RXFP1: variants seen among roughly 807,000 people sequenced by gnomAD.
RXFP1 encodes relaxin receptor 1.
RXFP1 carries 73 observed loss-of-function variants against 89.8 expected under a neutral mutation model. The observed-to-expected ratio is 0.81, with a 90% CI of 0.67 to 0.99. The LOEUF is 0.99. Ranked by LOEUF, RXFP1 falls within the 50% of genes least tolerant of loss-of-function variation. RXFP1 has a pLI of 0.00. For synonymous variants in RXFP1, 277 were observed against 305.5 expected (o/e 0.91, Z 0.97); for missense variants, 793 against 895.5 (o/e 0.89, Z 1.46).
rs113309020 is a variant in RXFP1, at chr4:158,602,759, A to AT, written c.393-2297dup. 4.1e-3 allele frequency among the ~76,000 whole-genome samples: 606 copies of AT among 147,908 alleles called. 4 individuals carry two copies. Among genetic ancestry groups the AT allele is most frequent in the African/African-American group, 0.011 (463 of 40,718 alleles). ...GAGATAATGAATGAATGAATGAACAATTTTTTTTTTTTGAGACAGAGTCTC... is the reference window on the plus strand; with the variant it reads ...GAGATAATGAATGAATGAATGAACAATTTTTTTTTTTTTGAGACAGAGTCTC... On this transcript the variant is annotated intron_variant, in intron 4 of 17. Transcript: ENST00000307765.
In RXFP1 at chr4:158,652,070, C is replaced by A. The variant is rs751758076; in HGVS notation, c.*15C>A. On this transcript the variant is annotated 3_prime_UTR_variant, in exon 18 of 18. Transcript: ENST00000307765. ...CCTATTCATGACTGACTCTGAAATT[C>A]ATTTCTTCGCAGAGAATACTGTGGG... 1 of 1,590,044 alleles carries A rather than the reference C, an allele frequency of 6.3e-7. No homozygotes were observed. The highest frequency in any genetic ancestry group is 1.1e-5 in the South Asian group (1 of 87,520).
intron 1 of RXFP1, among the ~76,000 whole-genome samples, chr4:158,563,506 A>G (rs899132395): frequency 6.9e-6 from 1 of 144,126 alleles, no homozygotes; most frequent in Non-Finnish European, 1.6e-5. Flanking sequence ...GCACACACAC[A>G]CACACACACA....
chr4:158,558,152 C>T (rs1751704671), intron 1 of RXFP1, among the ~76,000 whole-genome samples: 1 of 152,166 alleles, frequency 6.6e-6, no homozygotes, highest in Non-Finnish European at 1.5e-5. Context: ...CTTGTTCTCA[C>T]CTTTAGGAGT....
In RXFP1 at chr4:158,617,426, A is replaced by AAT. The variant is rs1554017037; in HGVS notation, c.755+241_755+242dup. 1.4e-3 allele frequency among the ~76,000 whole-genome samples: 215 copies of AAT among 149,238 alleles called. 1 individual carries two copies. Among genetic ancestry groups the AAT allele is most frequent in the African/African-American group, 4.6e-3 (187 of 40,602 alleles). On this transcript the variant is annotated intron_variant, in intron 9 of 17. Transcript: ENST00000307765. ...CAGCAAAATAAAACATCTCAAAAAA[A>AAT]ATATATATATATATATATATACTGG...
chr4:158,639,939 T>C (rs1010465952), intron 14 of RXFP1, among the ~76,000 whole-genome samples: 1 of 152,140 alleles, frequency 6.6e-6, no homozygotes, highest in East Asian at 1.9e-4. Flanking sequence ...ACAGAGAAGA[T>C]GGCCATCTAT....
intron 15 of RXFP1, chr4:158,646,385 G>A (rs1381616762): frequency 1.3e-6 from 1 of 748,204 alleles, no homozygotes; most frequent in East Asian, 6.4e-5. Flanking sequence ...TGAGCTTGTT[G>A]CGTTGGGAGA....
At chr4:158,593,662 G>T (rs2150069909) in intron 3 of RXFP1, among the ~76,000 whole-genome samples, 163 bp downstream of exon 3, 1 of 152,192 alleles carries the variant, frequency 6.6e-6, no homozygotes, top group African/African-American at 2.4e-5. Flanking sequence ...TTTTCTAATT[G>T]CAAATTCTAT....
intron 6 of RXFP1, 124 bp from the exon 7 acceptor site, chr4:158,612,006 C>T: frequency 1.4e-6 from 1 of 692,034 alleles, no homozygotes; most frequent in Non-Finnish European, 2.4e-6. Flanking sequence ...GATTCAAAGG[C>T]AGGGAAGTGG....
chr4:158,598,969 A>G (rs1460146799), intron 3 of RXFP1, among the ~76,000 whole-genome samples: 2 of 151,632 alleles, frequency 1.3e-5, no homozygotes, highest in Non-Finnish European at 2.9e-5. Flanking sequence ...ATTAAGCCTC[A>G]TCACACACTA....
rs187010892 is a variant in RXFP1 at position 158,610,496 on chromosome 4, A to G, written c.537-1634A>G. 4.2e-4 allele frequency: 164 copies of G among 390,842 alleles called. 1 individual carries two copies. The highest frequency in any genetic ancestry group is 3.2e-3 in the South Asian group (161 of 50,780). 24.2% of individuals were successfully genotyped at this position (390,842 alleles called of 1,614,324 possible). A position where few individuals can be genotyped will look rare whatever the true frequency, so the allele number is the denominator to read the frequency against. On this transcript the variant is annotated intron_variant, in intron 6 of 17. Transcript: ENST00000307765. ...CAGGACTCCTGTTCTCTAGAAGTTT[A>G]TGATCTAAGATGGGAAAACAATGCC...
At chr4:158,612,019 T>G (rs1284527834) in intron 6 of RXFP1, 111 bp from the exon 7 acceptor site, 1 of 781,906 alleles carries the variant, frequency 1.3e-6, no homozygotes, top group Non-Finnish European at 2.1e-6. Flanking sequence ...GGAAGTGGCA[T>G]GATGAGAATG....
At chr4:158,542,692 T>C (rs2149838079) in intron 1 of RXFP1, among the ~76,000 whole-genome samples, 1 of 152,316 alleles carries the variant, frequency 6.6e-6, no homozygotes, top group Admixed American at 6.5e-5. Flanking sequence ...GCCATAACCC[T>C]AAACCCCACA....
intron 6 of RXFP1, among the ~76,000 whole-genome samples, chr4:158,609,520 A>G (rs1191714840): frequency 6.6e-6 from 1 of 152,188 alleles, no homozygotes; most frequent in East Asian, 1.9e-4. Context: ...AACTCCCTGT[A>G]TTTCCATTTA....
chr4:158,626,009 A>T (rs560942819), intron 9 of RXFP1, among the ~76,000 whole-genome samples: 21 of 152,228 alleles, frequency 1.4e-4, no homozygotes, highest in Middle Eastern at 3.4e-3. Flanking sequence ...AGTAAAACAT[A>T]AAAATTTTGA....
At chr4:158,527,137 A>G (rs758327516) in intron 1 of RXFP1, among the ~76,000 whole-genome samples, 6 of 152,214 alleles carry the variant, frequency 3.9e-5, no homozygotes, top group Non-Finnish European at 8.8e-5. Flanking sequence ...AGTAAGATTC[A>G]CACTTAAAAA....
intron 1 of RXFP1, among the ~76,000 whole-genome samples, chr4:158,531,331 C>T (rs1245248778): frequency 1.3e-5 from 2 of 152,202 alleles, no homozygotes; most frequent in African/African-American, 4.8e-5. Context: ...CCTGGTCTGC[C>T]TTTGACTCTT....
intron 14 of RXFP1, among the ~76,000 whole-genome samples, chr4:158,644,219 T>G (rs1202644465): frequency 6.6e-6 from 1 of 151,930 alleles, no homozygotes; most frequent in East Asian, 1.9e-4. Flanking sequence ...GCTAATTTTT[T>G]GTATTTTTAG....
At chr4:158,572,207 T>G (rs1714369778) in intron 1 of RXFP1, among the ~76,000 whole-genome samples, 2 of 152,206 alleles carry the variant, frequency 1.3e-5, no homozygotes, top group African/African-American at 4.8e-5. Flanking sequence ...TCTATTAAAC[T>G]TTCCTCTCCT....
intron 11 of RXFP1, among the ~76,000 whole-genome samples, chr4:158,628,984 C>T (rs1767491108): frequency 7.9e-6 from 1 of 126,610 alleles, no homozygotes; most frequent in African/African-American, 3.3e-5. Flanking sequence ...ATACATTCTA[C>T]ACCACTCTGT....
Sources: gnomAD v4.1 joint callset for allele counts (sites outside exome capture counted in the v4.1 genomes callset) on GRCh38, gnomAD v4.1.1 for gene constraint, MANE v1.5 for transcripts, NCBI Gene and HGNC (gene_info 2026-07-23, HGNC 2026-07-21) for gene names.